The following NKAIN2 variants were observed in gnomAD, a reference collection of about 807,000 sequenced individuals.
The protein encoded by NKAIN2 is sodium/potassium transporting ATPase interacting 2, also known as sodium/potassium-transporting ATPase subunit beta-1-interacting protein 2.
Under a neutral mutation model 32.6 loss-of-function variants are expected in NKAIN2, and 14 were observed. The observed-to-expected ratio is 0.43, with a 90% CI of 0.28 to 0.67. The LOEUF is 0.67. Among genes scored for constraint, NKAIN2 ranks in the 30% least tolerant of loss-of-function variants. The pLI is 0.17. For synonymous variants in NKAIN2, 80 were observed against 87.2 expected, an observed-to-expected ratio of 0.92 and a Z score of 0.46; for missense variants, 198 against 258.3, an observed-to-expected ratio of 0.77 and a Z score of 1.60.
At chr6:124,346,774 T>G (rs979462723) in intron 2 of NKAIN2, among the ~76,000 whole-genome samples, 2 of 152,046 alleles carry the variant, frequency 1.3e-5, no homozygotes, top group African/African-American at 2.4e-5. Context: ...ATGATGGGTC[T>G]TGACTCTTTA....
chr6:124,628,088 G>A (rs1461726869), intron 3 of NKAIN2, among the ~76,000 whole-genome samples: 1 of 152,006 alleles, frequency 6.6e-6, no homozygotes, highest in East Asian at 1.9e-4. Flanking sequence ...GCCACACAGA[G>A]CTACTCACCA....
chr6:124,338,102 T>A (rs1439713453), intron 2 of NKAIN2, among the ~76,000 whole-genome samples: 1 of 152,180 alleles, frequency 6.6e-6, no homozygotes. Context: ...TCAACACTTT[T>A]AGCTATCCCA....
chr6:124,028,878 T>TATATATGTGTATATATATATATATACAC (rs1781263268), intron 1 of NKAIN2, among the ~76,000 whole-genome samples: 1 of 33,024 alleles, frequency 3.0e-5, no homozygotes, highest in South Asian at 8.4e-4. Context: ...CATATATGTA[T>TATATATGTGTATATATATATATATACAC]ATATATGTGT....
At chr6:124,604,855 T>G (rs562770501) in intron 3 of NKAIN2, among the ~76,000 whole-genome samples, 15 of 151,960 alleles carry the variant, frequency 9.9e-5, no homozygotes, top group Non-Finnish European at 2.1e-4. Context: ...CATTATTCCC[T>G]ACAACAAAGC....
chr6:124,447,181 T>C (rs1775927255), intron 3 of NKAIN2, among the ~76,000 whole-genome samples: 1 of 152,122 alleles, frequency 6.6e-6, no homozygotes, highest in African/African-American at 2.4e-5. Flanking sequence ...TGGGTAACTA[T>C]TCATCAGTGT....
At chr6:123,973,995 G>A (rs1047306835) in intron 1 of NKAIN2, among the ~76,000 whole-genome samples, 23 of 152,026 alleles carry the variant, frequency 1.5e-4, no homozygotes, top group African/African-American at 5.6e-4. Flanking sequence ...ATGGCTCAAA[G>A]ACACGAAACT....
At chr6:124,637,566 A>G (rs1442483410) in intron 3 of NKAIN2, among the ~76,000 whole-genome samples, 1 of 152,074 alleles carries the variant, frequency 6.6e-6, no homozygotes, top group East Asian at 1.9e-4. Flanking sequence ...TAAATTTACT[A>G]AAGTTACAAG....
chr6:124,720,012 A>T (rs1399740733), intron 4 of NKAIN2, among the ~76,000 whole-genome samples: 1 of 152,124 alleles, frequency 6.6e-6, no homozygotes, highest in East Asian at 1.9e-4. Context: ...TCTTTCAGGA[A>T]TTTTTGCTGA....
chr6:124,348,965 G>C (rs1405141964), intron 2 of NKAIN2, among the ~76,000 whole-genome samples: 1 of 152,094 alleles, frequency 6.6e-6, no homozygotes, highest in Non-Finnish European at 1.5e-5. Flanking sequence ...TGGCTCGGAG[G>C]GTCCTATGCC....
At chr6:124,664,797 A>G (rs1197413785) in intron 4 of NKAIN2, among the ~76,000 whole-genome samples, 7 of 45,042 alleles carry the variant, frequency 1.6e-4, no homozygotes, top group Non-Finnish European at 2.1e-4. Context: ...CCGTCTCAAA[A>G]AAAAAAAAAA....
At position 124,667,417 on chromosome 6, in the gene NKAIN2, AGAAGT is replaced by A. The variant is rs532386269; in HGVS notation, c.474+9037_474+9041del. Among the ~76,000 whole-genome samples the A allele has an allele frequency of 3.7e-3, 559 of 152,232 alleles. 2 individuals are homozygous for A. The highest frequency in any genetic ancestry group is 0.013 in the African/African-American group (532 of 41,558). On this transcript the variant is annotated intron_variant, in intron 4 of 6. Coordinates refer to ENST00000368417, the MANE Select transcript of NKAIN2 (RefSeq NM_001040214.3). Reference sequence around the variant, plus strand: ...TTATAATCATAAAATTATTTCAGGAAGAAGTGAAGTACATTAAATTATAAGTTATT... The same window carrying A: ...TTATAATCATAAAATTATTTCAGGAAGAAGTACATTAAATTATAAGTTATT...
chr6:124,478,689 A>G (rs1159581206), intron 3 of NKAIN2, among the ~76,000 whole-genome samples: 2 of 152,210 alleles, frequency 1.3e-5, no homozygotes, highest in Admixed American at 1.3e-4. Flanking sequence ...TAAGTAAATG[A>G]TTGAATACAT....
At chr6:124,810,918 A>G (rs1299196802) in intron 5 of NKAIN2, among the ~76,000 whole-genome samples, 3 of 113,446 alleles carry the variant, frequency 2.6e-5, no homozygotes, top group Non-Finnish European at 5.2e-5. Context: ...CCTTATCAGG[A>G]AAAAAAAAAA....
chr6:124,644,363 C>G (rs1233318914), intron 3 of NKAIN2, among the ~76,000 whole-genome samples: 1 of 151,392 alleles, frequency 6.6e-6, no homozygotes, highest in African/African-American at 2.4e-5. Context: ...GAATACATCC[C>G]GAATGCATCC....
intron 1 of NKAIN2, among the ~76,000 whole-genome samples, chr6:123,818,655 G>A (rs965376402): frequency 6.6e-6 from 1 of 152,104 alleles, no homozygotes; most frequent in Non-Finnish European, 1.5e-5. Context: ...TAATTTGCAT[G>A]CCTGGAGAAA....
rs1044522637 is a variant in NKAIN2, at chr6:124,076,218, T to G, written c.55-206787T>G. Among the ~76,000 whole-genome samples the G allele has an allele frequency of 9.9e-5, 15 of 152,116 alleles. 1 individual carries two copies. Among genetic ancestry groups the G allele is most frequent in the Admixed American group, 6.6e-5 (1 of 15,260 alleles). ...TACAACTGAGGAGATGAGAAGAGAATGAGGATTCAGCAGCAACAGCAATAA... is the reference window on the plus strand; with the variant it reads ...TACAACTGAGGAGATGAGAAGAGAAGGAGGATTCAGCAGCAACAGCAATAA... On this transcript the variant is annotated intron_variant, in intron 1 of 6. Coordinates refer to ENST00000368417, the MANE Select transcript of NKAIN2 (RefSeq NM_001040214.3).
chr6:124,011,607 A>G (rs1353669157), intron 1 of NKAIN2, among the ~76,000 whole-genome samples: 1 of 152,114 alleles, frequency 6.6e-6, no homozygotes, highest in Non-Finnish European at 1.5e-5. Flanking sequence ...TCTTTTATCC[A>G]TCACTCTCCA....
intron 1 of NKAIN2, among the ~76,000 whole-genome samples, chr6:124,072,608 T>G (rs564041491): frequency 5.3e-5 from 8 of 152,322 alleles, no homozygotes; most frequent in Admixed American, 4.6e-4. Context: ...CTGCCCCTTA[T>G]GCCAGACCTC....
chr6:124,515,889 C>T (rs1778895620), intron 3 of NKAIN2, among the ~76,000 whole-genome samples: 2 of 152,074 alleles, frequency 1.3e-5, no homozygotes, highest in Admixed American at 1.3e-4. Context: ...TGATAACCTC[C>T]TTCTACCATC....
Sources: allele counts gnomAD v4.1 joint callset (sites outside exome capture counted in the v4.1 genomes callset), GRCh38; gene constraint gnomAD v4.1.1; transcripts MANE v1.5; gene names NCBI Gene and HGNC (gene_info 2026-07-23, HGNC 2026-07-21).